GRM8: variants seen among roughly 807,000 people sequenced by gnomAD.
GRM8 encodes metabotropic glutamate receptor 8.
Under a neutral mutation model 87.2 loss-of-function variants are expected in GRM8, and 47 were observed. That is an observed-to-expected ratio of 0.54 (90% CI 0.43 to 0.69). The LOEUF (loss-of-function observed/expected upper bound fraction) is 0.69, where lower values mean the gene tolerates loss of function less well. Among genes scored for constraint, GRM8 ranks in the 30% least tolerant of loss-of-function variants. The pLI, the probability that GRM8 is intolerant of heterozygous loss-of-function variation, is 0.00. For synonymous variants in GRM8, 396 were observed against 404.5 expected (o/e 0.98, Z 0.25); for missense variants, 1,019 against 1,139.2 (o/e 0.89, Z 1.52).
In GRM8 at chr7:126,694,526, GTTAC is replaced by G. The variant is rs771602814; in HGVS notation, c.1357+75335_1357+75338del. ...AGCAGTTTCATTTTTTACTTCAGCT[GTTAC>G]TTACTCAATTTTTTTCTTCTCTTTT... On this transcript the variant is annotated intron_variant, in intron 7 of 10. Transcript: ENST00000339582. Among the ~76,000 whole-genome samples, 80 of 152,218 alleles carry G rather than the reference GTTAC, an allele frequency of 5.3e-4. 1 individual carries two copies. The highest frequency in any genetic ancestry group is 6.0e-4 in the Non-Finnish European group (41 of 68,002).
At chr7:126,870,740 G>C (rs760370988) in intron 6 of GRM8, among the ~76,000 whole-genome samples, 1 of 152,166 alleles carries the variant, frequency 6.6e-6, no homozygotes, top group Non-Finnish European at 1.5e-5. Context: ...CACTGTAACA[G>C]ATTTTACAGT....
intron 3 of GRM8, among the ~76,000 whole-genome samples, chr7:127,033,666 C>T (rs1817594161): frequency 6.6e-6 from 1 of 152,076 alleles, no homozygotes; most frequent in African/African-American, 2.4e-5. Context: ...CTCATCATGG[C>T]TTTCTATTGA....
At chr7:126,799,508 C>T (rs778259658) in intron 6 of GRM8, among the ~76,000 whole-genome samples, 10 of 152,014 alleles carry the variant, frequency 6.6e-5, no homozygotes, top group South Asian at 2.1e-4. Flanking sequence ...GTCAGACAAC[C>T]GATTTTAAAC....
At chr7:126,782,445 A>G (rs909157948) in intron 6 of GRM8, among the ~76,000 whole-genome samples, 2 of 152,160 alleles carry the variant, frequency 1.3e-5, no homozygotes, top group African/African-American at 2.4e-5. Flanking sequence ...ATTAAGTTCT[A>G]TTGAGGATAA....
At chr7:126,712,262 G>A (rs954541623) in intron 7 of GRM8, among the ~76,000 whole-genome samples, 1 of 152,110 alleles carries the variant, frequency 6.6e-6, no homozygotes, top group African/African-American at 2.4e-5. Flanking sequence ...ATAGCAGGTT[G>A]GTGGAGAAGT....
At chr7:127,157,205 T>C (rs60089680) in intron 2 of GRM8, among the ~76,000 whole-genome samples, 12,122 of 103,270 alleles carry the variant, frequency 0.12, 723 homozygotes, top group African/African-American at 0.23. Flanking sequence ...TGAGAACAAA[T>C]AAGAAAGAGG....
chr7:126,853,039 G>T (rs1482661390), intron 6 of GRM8, among the ~76,000 whole-genome samples: 1 of 152,152 alleles, frequency 6.6e-6, no homozygotes, highest in South Asian at 2.1e-4. Flanking sequence ...AAACAATTTT[G>T]TGATGGATGG....
chr7:126,507,019 C>A (rs1030344404), intron 9 of GRM8, among the ~76,000 whole-genome samples: 8 of 152,028 alleles, frequency 5.3e-5, no homozygotes, highest in African/African-American at 1.7e-4. Context: ...TCTAAAGAGG[C>A]TCTCAATGAA....
chr7:127,232,183 TTGTGTGTGTG>T (rs71529431), intron 2 of GRM8, among the ~76,000 whole-genome samples: 1 of 129,756 alleles, frequency 7.7e-6, no homozygotes, highest in African/African-American at 3.1e-5. Context: ...TGTTTCTTCT[TTGTGTGTGTG>T]TGTGTGTGTG....
At chr7:127,178,695 A>G (rs954479836) in intron 2 of GRM8, among the ~76,000 whole-genome samples, 1 of 152,112 alleles carries the variant, frequency 6.6e-6, no homozygotes, top group Non-Finnish European at 1.5e-5. Flanking sequence ...CAGTCTCCTC[A>G]AACAAAACAA....
At chr7:126,999,552 C>A (rs1554561221) in intron 3 of GRM8, among the ~76,000 whole-genome samples, 1 of 151,492 alleles carries the variant, frequency 6.6e-6, no homozygotes, top group Non-Finnish European at 1.5e-5. Flanking sequence ...GGAAAAAATA[C>A]AATAATCTGA....
chr7:126,972,146 C>A (rs1810493625), intron 3 of GRM8, among the ~76,000 whole-genome samples: 1 of 152,132 alleles, frequency 6.6e-6, no homozygotes. Context: ...TATCTTCATC[C>A]CCATACATGT....
chr7:126,802,362 T>C (rs1446619724), intron 6 of GRM8, among the ~76,000 whole-genome samples: 2 of 152,196 alleles, frequency 1.3e-5, no homozygotes, highest in Non-Finnish European at 2.9e-5. Flanking sequence ...TGGTAATCAC[T>C]ATTCTAACTT....
intron 7 of GRM8, among the ~76,000 whole-genome samples, chr7:126,629,787 G>A (rs1220634774): frequency 6.6e-6 from 1 of 152,056 alleles, no homozygotes; most frequent in Non-Finnish European, 1.5e-5. Flanking sequence ...GTGATTTGAG[G>A]TGTTTCTATT....
intron 7 of GRM8, among the ~76,000 whole-genome samples, chr7:126,755,678 G>A (rs1242689726): frequency 1.3e-5 from 2 of 151,766 alleles, no homozygotes; most frequent in Non-Finnish European, 2.9e-5. Context: ...AGAAAAAGTT[G>A]GTAACCTTAT....
chr7:126,986,020 T>TA (rs1443624928), intron 3 of GRM8, among the ~76,000 whole-genome samples: 1 of 146,138 alleles, frequency 6.8e-6, no homozygotes, highest in African/African-American at 2.5e-5. Context: ...ATTCAAGTCA[T>TA]TTTTTTTTTT....
intron 2 of GRM8, among the ~76,000 whole-genome samples, chr7:127,203,434 G>A (rs551091093): frequency 3.9e-5 from 6 of 152,196 alleles, no homozygotes; most frequent in African/African-American, 7.2e-5. Context: ...GAGGCCAGGC[G>A]TAGTGGCTCA....
intron 9 of GRM8, among the ~76,000 whole-genome samples, chr7:126,474,175 T>G (rs1453612830): frequency 6.6e-6 from 1 of 152,140 alleles, no homozygotes; most frequent in Non-Finnish European, 1.5e-5. Context: ...AGTGCTAGAT[T>G]TCCAACTAAA....
At chr7:126,519,529 C>A (rs1044745052) in intron 9 of GRM8, among the ~76,000 whole-genome samples, 2 of 152,074 alleles carry the variant, frequency 1.3e-5, no homozygotes, top group Non-Finnish European at 2.9e-5. Flanking sequence ...AAAAAAGTCT[C>A]TTCTACAGAA....
Sources: allele counts gnomAD v4.1 joint callset (sites outside exome capture counted in the v4.1 genomes callset), GRCh38; gene constraint gnomAD v4.1.1; transcripts MANE v1.5; gene names NCBI Gene and HGNC (gene_info 2026-07-23, HGNC 2026-07-21).